Variants in ME3 observed in about 807,000 individuals in gnomAD.
ME3 encodes the protein NADP-dependent malic enzyme, mitochondrial.
Under a neutral mutation model 68.9 loss-of-function variants are expected in ME3, and 48 were observed. That is an observed-to-expected ratio of 0.70 (90% CI 0.55 to 0.89). The LOEUF is 0.89. ME3 is among the 40% of genes least tolerant of loss of function. The pLI, the probability that ME3 is intolerant of heterozygous loss-of-function variation, is 0.00. For missense variants in ME3, 675 were observed against 797.4 expected (o/e 0.85, Z 1.85); for synonymous variants, 320 against 318.8 (o/e 1.00, Z -0.04).
chr11:86,588,519 C>T (rs1385978940), intron 2 of ME3, among the ~76,000 whole-genome samples: 1 of 152,104 alleles, frequency 6.6e-6, no homozygotes, highest in East Asian at 1.9e-4. Flanking sequence ...AAGGAGACCC[C>T]ATAGAAAACG....
At chr11:86,492,383 A>G (rs189149008) in intron 6 of ME3, among the ~76,000 whole-genome samples, 42 of 152,338 alleles carry the variant, frequency 2.8e-4, no homozygotes, top group Admixed American at 8.5e-4. Context: ...CTTCCTCCAA[A>G]TGAGTTTTTG....
intron 7 of ME3, among the ~76,000 whole-genome samples, chr11:86,475,022 ACT>A (rs1190134894): frequency 6.6e-6 from 1 of 152,250 alleles, no homozygotes; most frequent in Non-Finnish European, 1.5e-5. Flanking sequence ...TTTTCTGGTG[ACT>A]TTATGTGTCC....
At chr11:86,494,353 C>T (rs144457615) in intron 6 of ME3, among the ~76,000 whole-genome samples, 1 of 152,308 alleles carries the variant, frequency 6.6e-6, no homozygotes, top group African/African-American at 2.4e-5. Flanking sequence ...CAGTGCACCA[C>T]AGTGGGCAAG....
intron 2 of ME3, among the ~76,000 whole-genome samples, chr11:86,565,768 T>C (rs1159554402): frequency 2.0e-5 from 3 of 152,246 alleles, no homozygotes; most frequent in Non-Finnish European, 2.9e-5. Context: ...GTGGCTTGTC[T>C]TTTCATTCTC....
At chr11:86,526,257 A>G (rs1442229133) in intron 4 of ME3, among the ~76,000 whole-genome samples, 3 of 152,186 alleles carry the variant, frequency 2.0e-5, no homozygotes, top group Non-Finnish European at 2.9e-5. Flanking sequence ...ATGCCCATGG[A>G]GCCTTGCTCA....
At chr11:86,615,094 A>AT (rs921039220) in intron 2 of ME3, among the ~76,000 whole-genome samples, 10 of 151,408 alleles carry the variant, frequency 6.6e-5, no homozygotes, top group East Asian at 1.9e-4. Flanking sequence ...CCTTTTGGAC[A>AT]TTTTTTTTTA....
intron 7 of ME3, among the ~76,000 whole-genome samples, chr11:86,486,838 A>C (rs1951721363): frequency 6.6e-6 from 1 of 152,202 alleles, no homozygotes; most frequent in Non-Finnish European, 1.5e-5. Context: ...TTCCCCAGTG[A>C]AGAGATGACA....
At chr11:86,566,081 C>T (rs1210245444) in intron 2 of ME3, among the ~76,000 whole-genome samples, 4 of 152,184 alleles carry the variant, frequency 2.6e-5, no homozygotes, top group Admixed American at 2.0e-4. Context: ...CTCCTGAACA[C>T]ACTCAGCTTT....
chr11:86,518,373 T>A (rs1382236692), intron 4 of ME3, among the ~76,000 whole-genome samples: 1 of 150,024 alleles, frequency 6.7e-6, no homozygotes, highest in African/African-American at 2.5e-5. Flanking sequence ...TCGACTTGAA[T>A]AAACATACTT....
At chr11:86,435,303 CT>C in the ME3 span, 1 of 152,184 alleles carries the variant, frequency 6.6e-6, no homozygotes, top group East Asian at 1.9e-4. Context: ...CAGCCTAAAA[CT>C]TTGCCTGCAA....
At chr11:86,605,038 C>T (rs907144515) in intron 2 of ME3, among the ~76,000 whole-genome samples, 4 of 152,138 alleles carry the variant, frequency 2.6e-5, no homozygotes, top group Non-Finnish European at 4.4e-5. Flanking sequence ...GAGCAATCAC[C>T]AGTCTTTCTG....
intron 5 of ME3, among the ~76,000 whole-genome samples, chr11:86,506,705 C>A (rs1246907276): frequency 2.6e-5 from 4 of 152,174 alleles, no homozygotes; most frequent in African/African-American, 9.7e-5. Context: ...CTGAATTCAT[C>A]CAACTCTGTG....
chr11:86,633,536 A>G (rs1944145973), intron 2 of ME3, among the ~76,000 whole-genome samples: 1 of 152,216 alleles, frequency 6.6e-6, no homozygotes, highest in Non-Finnish European at 1.5e-5. Flanking sequence ...GAAATGTAAT[A>G]AGAGAAATGA....
chr11:86,534,081 G>GTGTGTATATATATA (rs1361825219), intron 4 of ME3, among the ~76,000 whole-genome samples: 1 of 127,508 alleles, frequency 7.8e-6, no homozygotes, highest in African/African-American at 3.2e-5. Context: ...GTGTGTGTGT[G>GTGTGTATATATATA]TATATATATA....
intron 2 of ME3, among the ~76,000 whole-genome samples, chr11:86,588,675 A>G (rs1958878172): frequency 6.6e-6 from 1 of 152,192 alleles, no homozygotes; most frequent in Non-Finnish European, 1.5e-5. Flanking sequence ...TACTGAATGG[A>G]GAGGCCTAAC....
chr11:86,621,375 T>G (rs1183905386), intron 2 of ME3, among the ~76,000 whole-genome samples: 2 of 152,168 alleles, frequency 1.3e-5, no homozygotes, highest in African/African-American at 4.8e-5. Context: ...TTTAAACTTT[T>G]TTGCTCCTCA....
At position 86,556,864 on chromosome 11, in the gene ME3, G is replaced by T. The variant is rs1005419133; in HGVS notation, c.318-162C>A. 2.6e-5 allele frequency among the ~76,000 whole-genome samples: 4 copies of T among 152,214 alleles called. No homozygotes were observed. The South Asian group carries it at 8.3e-4, about 32-fold the overall frequency. ...ATGAGCTTCAACAGCTATGAAATGTGAAGATGACCTGCTTGTGGTGCTTAT... is the reference window on the plus strand; with the variant it reads ...ATGAGCTTCAACAGCTATGAAATGTTAAGATGACCTGCTTGTGGTGCTTAT... On this transcript the variant is annotated intron_variant, in intron 3 of 14. Coordinates refer to ENST00000543262, the Ensembl canonical transcript of ME3.
chr11:86,499,090 C>T (rs182854317), intron 5 of ME3, among the ~76,000 whole-genome samples: 78 of 152,186 alleles, frequency 5.1e-4, no homozygotes, highest in African/African-American at 1.4e-3. Context: ...CATGGGTGAA[C>T]GGACACACAT....
At chr11:86,614,787 A>G (rs1028333034) in intron 2 of ME3, among the ~76,000 whole-genome samples, 2 of 152,032 alleles carry the variant, frequency 1.3e-5, no homozygotes, top group Non-Finnish European at 2.9e-5. Context: ...TATCTTCTCT[A>G]TATCTCTCTA....
Sources: allele counts gnomAD v4.1 joint callset (sites outside exome capture counted in the v4.1 genomes callset), GRCh38; gene constraint gnomAD v4.1.1; transcripts MANE v1.5; gene names NCBI Gene and HGNC (gene_info 2026-07-23, HGNC 2026-07-21).